The following ZNF846 variants were observed in gnomAD, a reference collection of about 807,000 sequenced individuals.
ZNF846 encodes the protein zinc finger protein 420 pseudogene.
ZNF846 carries 15 observed loss-of-function variants against 16.0 expected under a neutral mutation model. The ratio of observed to expected loss-of-function variants is 0.94; its 90% confidence interval spans 0.63 to 1.45. The LOEUF (loss-of-function observed/expected upper bound fraction) is 1.45, where lower values mean the gene tolerates loss of function less well. Among genes scored for constraint, ZNF846 ranks in the 40% most tolerant of loss-of-function variants. The pLI, the probability that ZNF846 is intolerant of heterozygous loss-of-function variation, is 0.00. For missense variants in ZNF846, 714 were observed against 622.3 expected (o/e 1.15, Z -1.57); for synonymous variants, 229 against 212.0 (o/e 1.08, Z -0.70).
At chr19:9,777,859 C>T (rs2045463155) in intron 1 of ZNF846, among the ~76,000 whole-genome samples, 1 of 151,958 alleles carries the variant, frequency 6.6e-6, no homozygotes, top group African/African-American at 2.4e-5. Flanking sequence ...AAAAGCCAGA[C>T]TAAAACTTGA....
exon 5 of ZNF846, chr19:9,759,897 T>C (rs748296082): frequency 1.9e-6 from 3 of 1,613,346 alleles, no homozygotes; most frequent in South Asian, 2.2e-5. Flanking sequence ...TGCAGAAATA[T>C]CTTGCAGCAG....
chr19:9,781,653 C>CA (rs566370299), intron 1 of ZNF846, among the ~76,000 whole-genome samples: 33 of 149,086 alleles, frequency 2.2e-4, no homozygotes, highest in East Asian at 5.9e-4. Flanking sequence ...CCAGATCCCA[C>CA]AAAAAAAAAC....
chr19:9,784,305 G>C (rs1234371940), intron 1 of ZNF846, among the ~76,000 whole-genome samples: 1 of 152,176 alleles, frequency 6.6e-6, no homozygotes, highest in Admixed American at 6.5e-5. Context: ...GGTAGGGAGA[G>C]GGTCAGCAGG....
At chr19:9,771,167 T>C (rs893446800), upstream of ZNF846, among the ~76,000 whole-genome samples, 1 of 151,986 alleles carries the variant, frequency 6.6e-6, no homozygotes, top group African/African-American at 2.4e-5. Context: ...ATTCTTTCTT[T>C]CTATCCTTTT....
downstream of ZNF846, among the ~76,000 whole-genome samples, chr19:9,753,553 C>G (rs2045105574): frequency 6.6e-6 from 1 of 151,372 alleles, no homozygotes; most frequent in Non-Finnish European, 1.5e-5. Context: ...CGTGCCCAGC[C>G]TAGGAGACAA....
At chr19:9,758,537 G>A in exon 6 of ZNF846, 9 of 1,613,290 alleles carry the variant, frequency 5.6e-6, no homozygotes, top group Non-Finnish European at 7.6e-6. Flanking sequence ...TTGGAAACTG[G>A]TTGAAGGCTT....
intron 5 of ZNF846, 64 bp downstream of exon 5, chr19:9,759,796 T>A: frequency 2.3e-6 from 3 of 1,301,150 alleles, no homozygotes; most frequent in Non-Finnish European, 3.2e-6. Context: ...TTTCCTCATA[T>A]AATTTTCATG....
At chr19:9,758,415 T>C (rs1156888130) in exon 6 of ZNF846, 18 of 1,613,074 alleles carry the variant, frequency 1.1e-5, no homozygotes, top group South Asian at 2.2e-5. Flanking sequence ...TTTGTCTCCA[T>C]TGTGAGATCT....
intron 1 of ZNF846, among the ~76,000 whole-genome samples, chr19:9,784,360 C>T (rs757972486): frequency 9.9e-5 from 15 of 152,164 alleles, no homozygotes; most frequent in South Asian, 2.1e-4. Context: ...GTTTAAGGAA[C>T]GGTGCTGTGC....
chr19:9,764,893 C>T lies in ZNF846; in HGVS notation c.15+43G>A, dbSNP rs745849920. On this transcript the variant is annotated intron_variant, in intron 2 of 5. Coordinates refer to ENST00000397902, the Ensembl canonical transcript of ZNF846. ...AACAAGGTAAGGCTACCGATGATGG[C>T]TACAAGCATAACATTTTGAAGTTAG... 3.7e-6 allele frequency: 6 copies of T among 1,612,060 alleles called. No homozygotes were observed. The East Asian group carries it at 8.9e-5, about 24-fold the overall frequency.
At chr19:9,784,687 G>A (rs888525992) in intron 1 of ZNF846, among the ~76,000 whole-genome samples, 1 of 152,116 alleles carries the variant, frequency 6.6e-6, no homozygotes, top group Admixed American at 6.5e-5. Flanking sequence ...CTGTCTCAGT[G>A]GGGGGAAACC....
upstream of ZNF846, among the ~76,000 whole-genome samples, chr19:9,770,230 A>G (rs1354330098): frequency 6.6e-6 from 1 of 151,776 alleles, no homozygotes; most frequent in Admixed American, 6.6e-5. Flanking sequence ...TGATCACCCA[A>G]TCTGCTCATC....
chr19:9,763,759 T>C (rs191727298), intron 2 of ZNF846, among the ~76,000 whole-genome samples: 1 of 152,266 alleles, frequency 6.6e-6, no homozygotes, highest in Non-Finnish European at 1.5e-5. Context: ...AGATTAGACA[T>C]CTCCATCCCT....
intron 1 of ZNF846, among the ~76,000 whole-genome samples, chr19:9,779,093 T>G (rs912692534): frequency 6.6e-6 from 1 of 152,164 alleles, no homozygotes; most frequent in African/African-American, 2.4e-5. Context: ...AAATGAGGGT[T>G]AGATTAATAT....
downstream of ZNF846, among the ~76,000 whole-genome samples, chr19:9,755,799 CAAAAAAAAAAAAA>C (rs538572391): frequency 4.1e-3 from 100 of 24,690 alleles, no homozygotes; most frequent in East Asian, 0.036. Flanking sequence ...GACTCCGTCT[CAAAAAAAAAAAAA>C]AAAAAAAAAA....
At chr19:9,758,438 A>C in exon 6 of ZNF846, 2 of 1,613,170 alleles carry the variant, frequency 1.2e-6, no homozygotes, top group Non-Finnish European at 1.7e-6. Flanking sequence ...TATGTAACTT[A>C]AGGGATGACT....
upstream of ZNF846, among the ~76,000 whole-genome samples, chr19:9,769,775 A>C (rs2045372881): frequency 6.6e-6 from 1 of 152,028 alleles, no homozygotes. Context: ...CAGGAGTTCG[A>C]GACCAGCCTG....
downstream of ZNF846, among the ~76,000 whole-genome samples, chr19:9,754,589 C>CAAAAAAAAAA (rs1203086590): frequency 3.2e-4 from 33 of 103,978 alleles, no homozygotes; most frequent in African/African-American, 5.8e-4. Flanking sequence ...AAAAAAAAAG[C>CAAAAAAAAAA]AAAGGGCAAC....
chr19:9,771,019 A>G (rs893742423), upstream of ZNF846, among the ~76,000 whole-genome samples: 1 of 151,928 alleles, frequency 6.6e-6, no homozygotes, highest in Non-Finnish European at 1.5e-5. Context: ...GGTTACATGG[A>G]TAAGTTCTTT....
Sources: allele counts gnomAD v4.1 joint callset (sites outside exome capture counted in the v4.1 genomes callset), GRCh38; gene constraint gnomAD v4.1.1; transcripts MANE v1.5; gene names NCBI Gene and HGNC (gene_info 2026-07-23, HGNC 2026-07-21).